Variants in ATP2C1 observed in about 807,000 individuals in gnomAD.
ATP2C1 encodes the protein ATPase secretory pathway Ca2+ transporting 1.
ATP2C1 carries 31 observed loss-of-function variants against 120.5 expected under a neutral mutation model. The ratio of observed to expected loss-of-function variants is 0.26; its 90% CI spans 0.19 to 0.35. The LOEUF is 0.35. ATP2C1 is among the 10% of genes least tolerant of loss of function. ATP2C1 has a pLI of 1.00. For synonymous variants in ATP2C1, 351 were observed against 358.7 expected, an observed-to-expected ratio of 0.98 and a Z score of 0.24; for missense variants, 731 against 1,107.5, an observed-to-expected ratio of 0.66 and a Z score of 4.83.
chr3:130,982,252 G>A (rs2061800228), intron 20 of ATP2C1, among the ~76,000 whole-genome samples: 1 of 152,146 alleles, frequency 6.6e-6, no homozygotes, highest in Non-Finnish European at 1.5e-5. Context: ...AGTTATTCCA[G>A]CAACATTTGT....
At chr3:130,923,941 C>A (rs1335702002) in intron 2 of ATP2C1, among the ~76,000 whole-genome samples, 1 of 151,346 alleles carries the variant, frequency 6.6e-6, no homozygotes, top group African/African-American at 2.4e-5. Flanking sequence ...TTTTTCCATC[C>A]CTTTATCTTA....
At chr3:130,884,221 G>A (rs929854319) in intron 1 of ATP2C1, among the ~76,000 whole-genome samples, 6 of 152,112 alleles carry the variant, frequency 3.9e-5, no homozygotes, top group African/African-American at 4.8e-5. Context: ...GATTACAGGC[G>A]TGAGCCACTG....
chr3:130,937,486 A>G (rs1045194950), intron 6 of ATP2C1, 23 bp downstream of exon 6: 11 of 1,605,100 alleles, frequency 6.9e-6, no homozygotes, highest in Non-Finnish European at 9.4e-6. Flanking sequence ...TTTTGCCAAC[A>G]TGAAAATGGT....
intron 2 of ATP2C1, among the ~76,000 whole-genome samples, chr3:130,923,252 A>G (rs913585563): frequency 1.3e-5 from 2 of 150,742 alleles, no homozygotes; most frequent in African/African-American, 2.4e-5. Context: ...TTGGAGACAG[A>G]GTCTTGCTCT....
intron 1 of ATP2C1, among the ~76,000 whole-genome samples, chr3:130,858,670 G>A (rs1250117092): frequency 6.6e-6 from 1 of 152,214 alleles, no homozygotes; most frequent in African/African-American, 2.4e-5. Flanking sequence ...GTGGGGAGTA[G>A]GGGTGCAATG....
At chr3:130,890,652 C>T (rs961519519), upstream of ATP2C1, among the ~76,000 whole-genome samples, 2 of 152,162 alleles carry the variant, frequency 1.3e-5, no homozygotes, top group African/African-American at 4.8e-5. Context: ...ACAAGTAGCT[C>T]ATATGAGTCC....
intron 20 of ATP2C1, among the ~76,000 whole-genome samples, chr3:130,984,669 G>T (rs1002475635): frequency 6.6e-6 from 1 of 152,086 alleles, no homozygotes; most frequent in East Asian, 1.9e-4. Flanking sequence ...AATCCTGAAA[G>T]ATTGAAATCC....
At chr3:130,960,201 G>A (rs932444956) in intron 12 of ATP2C1, among the ~76,000 whole-genome samples, 1 of 152,034 alleles carries the variant, frequency 6.6e-6, no homozygotes, top group African/African-American at 2.4e-5. Context: ...GATCTTTTTG[G>A]GTTCTTCTAA....
At chr3:131,010,033 G>C (rs2063259307) in intron 26 of ATP2C1, among the ~76,000 whole-genome samples, 1 of 152,102 alleles carries the variant, frequency 6.6e-6, no homozygotes, top group Non-Finnish European at 1.5e-5. Context: ...ATGTGGTAGA[G>C]AGCAGCACCC....
chr3:130,923,336 C>T (rs1037047956), intron 2 of ATP2C1, among the ~76,000 whole-genome samples: 1 of 151,950 alleles, frequency 6.6e-6, no homozygotes, highest in Non-Finnish European at 1.5e-5. Flanking sequence ...AAGCAATTCT[C>T]CTGCCTCAGC....
At chr3:130,958,914 G>A (rs369717285) in intron 11 of ATP2C1, among the ~76,000 whole-genome samples, 2 of 152,114 alleles carry the variant, frequency 1.3e-5, no homozygotes, top group African/African-American at 4.8e-5. Context: ...AGACCTATAT[G>A]TTTGCTGCCA....
chr3:130,941,342 G>A (rs1271430965), intron 7 of ATP2C1, among the ~76,000 whole-genome samples: 1 of 152,092 alleles, frequency 6.6e-6, no homozygotes, highest in African/African-American at 2.4e-5. Flanking sequence ...TCTGGGTATA[G>A]TGATTCACAA....
chr3:131,009,490 A>G (rs1487709383), intron 26 of ATP2C1, among the ~76,000 whole-genome samples: 2 of 152,222 alleles, frequency 1.3e-5, no homozygotes, highest in Non-Finnish European at 2.9e-5. Context: ...GTCCCTAAAA[A>G]CAGAATCCAG....
intron 2 of ATP2C1, chr3:130,919,035 C>T (rs2058818457): frequency 6.2e-6 from 3 of 483,906 alleles, no homozygotes; most frequent in Admixed American, 2.4e-5. Flanking sequence ...GGTGGAAGCT[C>T]CTGCCATTAC....
intron 8 of ATP2C1, among the ~76,000 whole-genome samples, chr3:130,943,821 T>C (rs1370570244): frequency 1.3e-5 from 2 of 152,338 alleles, no homozygotes; most frequent in East Asian, 3.9e-4. Flanking sequence ...TGGGGATCTT[T>C]TATCCATCTA....
intron 1 of ATP2C1, among the ~76,000 whole-genome samples, chr3:130,867,706 C>G (rs1346408791): frequency 7.4e-5 from 11 of 147,966 alleles, no homozygotes; most frequent in African/African-American, 2.3e-4. Flanking sequence ...TCTGCCCGGC[C>G]GCCACCCCGT....
At chr3:131,003,625 A>G (rs904898554), downstream of ATP2C1, among the ~76,000 whole-genome samples, 1 of 152,202 alleles carries the variant, frequency 6.6e-6, no homozygotes, top group Admixed American at 6.5e-5. Context: ...TGACCCAGAG[A>G]TGAAACAAAA....
chr3:130,892,656 T>C (rs1029969006), upstream of ATP2C1, among the ~76,000 whole-genome samples: 2 of 148,560 alleles, frequency 1.3e-5, no homozygotes, highest in African/African-American at 5.0e-5. Context: ...GCTCCGTCAT[T>C]GTGCAGACAA....
intron 1 of ATP2C1, among the ~76,000 whole-genome samples, chr3:130,855,530 A>G (rs532326740): frequency 1.3e-5 from 2 of 152,288 alleles, no homozygotes; most frequent in South Asian, 2.1e-4. Context: ...AATTTATTTT[A>G]CAGACGTGAA....
Sources: allele counts gnomAD v4.1 joint callset (sites outside exome capture counted in the v4.1 genomes callset), GRCh38; gene constraint gnomAD v4.1.1; transcripts MANE v1.5; gene names NCBI Gene and HGNC (gene_info 2026-07-23, HGNC 2026-07-21).